LOC400499: variants seen among roughly 807,000 people sequenced by gnomAD.
chr16:11,469,169 G>A, the LOC400499 span: 1 of 399,628 alleles, frequency 2.5e-6, no homozygotes, highest in East Asian at 3.6e-5. Context: ...AGGGTGTGGA[G>A]CAAACCTTGA....
At chr16:11,450,749 C>G in the LOC400499 span, 2 of 1,536,140 alleles carry the variant, frequency 1.3e-6, no homozygotes, top group Non-Finnish European at 1.7e-6. Context: ...GCCTGGAACA[C>G]AGCTCGGTGT....
chr16:11,459,228 G>A, the LOC400499 span, among the ~76,000 whole-genome samples: 40 of 113,544 alleles, frequency 3.5e-4, no homozygotes, highest in South Asian at 8.8e-3. Flanking sequence ...AAGGAGTCTC[G>A]CTGTTTCGCC....
At chr16:11,468,332 C>CT in the LOC400499 span, among the ~76,000 whole-genome samples, 3 of 152,052 alleles carry the variant, frequency 2.0e-5, no homozygotes, top group African/African-American at 7.2e-5. Flanking sequence ...ATTCTGAATT[C>CT]TTTTTTTGAG....
the LOC400499 span, chr16:11,447,056 TG>T: frequency 1.0e-6 from 1 of 978,110 alleles, no homozygotes; most frequent in Non-Finnish European, 1.5e-6. Context: ...TCAGGACACC[TG>T]GCAGCCCTAT....
chr16:11,471,365 T>C, the LOC400499 span: 1 of 286,208 alleles, frequency 3.5e-6, no homozygotes. Flanking sequence ...AATGTGGTTG[T>C]CTTACGGCAA....
chr16:11,460,489 G>A, the LOC400499 span: 3 of 1,528,574 alleles, frequency 2.0e-6, no homozygotes, highest in African/African-American at 2.7e-5. Context: ...TGTGGCTGAA[G>A]GCTAGGATCT....
chr16:11,394,460 A>G, the LOC400499 span, among the ~76,000 whole-genome samples: 72 of 152,394 alleles, frequency 4.7e-4, no homozygotes, highest in East Asian at 0.013. Context: ...CAAGATCTGT[A>G]AAATGATACA....
chr16:11,448,344 G>T, the LOC400499 span, among the ~76,000 whole-genome samples: 5 of 152,188 alleles, frequency 3.3e-5, no homozygotes, highest in Admixed American at 2.6e-4. Context: ...TTTGCTCCTG[G>T]ATCTTTGCTA....
At chr16:11,402,931 C>G in the LOC400499 span, among the ~76,000 whole-genome samples, 2 of 152,150 alleles carry the variant, frequency 1.3e-5, no homozygotes, top group African/African-American at 4.8e-5. Flanking sequence ...AAGCCCCACA[C>G]CCCATGCCAC....
the LOC400499 span, among the ~76,000 whole-genome samples, chr16:11,395,515 C>A: frequency 6.6e-6 from 1 of 152,144 alleles, no homozygotes; most frequent in Non-Finnish European, 1.5e-5. Flanking sequence ...AGAACAAGAA[C>A]CTTGGAAGGA....
the LOC400499 span, among the ~76,000 whole-genome samples, chr16:11,423,019 TG>T: frequency 0.44 from 67,593 of 151,898 alleles, 15,530 homozygotes; most frequent in East Asian, 0.56. Flanking sequence ...ACCAGGGATG[TG>T]GGGGGCTTTT....
At chr16:11,423,077 C>T in the LOC400499 span, 124,965 of 398,552 alleles carry the variant, frequency 0.31, 20,299 homozygotes, top group Non-Finnish European at 0.35. Flanking sequence ...AACTCAGCTC[C>T]GGGCCACACC....
the LOC400499 span, among the ~76,000 whole-genome samples, chr16:11,418,443 T>G: frequency 6.6e-6 from 1 of 152,138 alleles, no homozygotes; most frequent in Non-Finnish European, 1.5e-5. Context: ...GTGACAAGAG[T>G]GACCTCTGGT....
At chr16:11,434,412 C>T in the LOC400499 span, among the ~76,000 whole-genome samples, 3 of 152,064 alleles carry the variant, frequency 2.0e-5, no homozygotes, top group Non-Finnish European at 4.4e-5. Context: ...ATTCCAGCTA[C>T]TAGAGAGGCT....
the LOC400499 span, among the ~76,000 whole-genome samples, chr16:11,440,214 G>C: frequency 6.6e-6 from 1 of 152,146 alleles, no homozygotes; most frequent in Non-Finnish European, 1.5e-5. Context: ...GAACAGCCAT[G>C]AATGAGTAAA....
chr16:11,442,702 T>C, the LOC400499 span, among the ~76,000 whole-genome samples: 6 of 152,348 alleles, frequency 3.9e-5, no homozygotes, highest in Admixed American at 2.6e-4. Flanking sequence ...TGATTTTCAA[T>C]GGTAGCAATT....
the LOC400499 span, chr16:11,392,446 C>G: frequency 2.5e-6 from 1 of 399,056 alleles, no homozygotes; most frequent in Non-Finnish European, 4.4e-6. Flanking sequence ...GGACCTCCGC[C>G]TCGGCTGTCC....
the LOC400499 span, among the ~76,000 whole-genome samples, chr16:11,507,094 T>G: frequency 6.7e-6 from 1 of 149,210 alleles, no homozygotes; most frequent in African/African-American, 2.5e-5. Flanking sequence ...GCCCTTGCCC[T>G]GAGCCACCCC....
chr16:11,434,277 G>A, the LOC400499 span, among the ~76,000 whole-genome samples: 1 of 152,190 alleles, frequency 6.6e-6, no homozygotes, highest in Non-Finnish European at 1.5e-5. Context: ...GTCCTGGCAT[G>A]TTGGGAGGCT....
Sources: allele counts gnomAD v4.1 joint callset (sites outside exome capture counted in the v4.1 genomes callset), GRCh38; gene constraint gnomAD v4.1.1; transcripts MANE v1.5.